TIAM1: variants seen among roughly 807,000 people sequenced by gnomAD.
The protein encoded by TIAM1 is rho guanine nucleotide exchange factor TIAM1.
Under a neutral mutation model 163.5 loss-of-function variants are expected in TIAM1, and 65 were observed. The observed-to-expected ratio is 0.40, with a 90% CI of 0.33 to 0.49. TIAM1 has a LOEUF of 0.49. Among genes scored for constraint, TIAM1 ranks in the 20% least tolerant of loss-of-function variants. The probability of loss-of-function intolerance (pLI) is 0.77; values close to 1 mark genes in which losing one functional copy is unlikely to be tolerated. For missense variants in TIAM1, 1,789 were observed against 2,044.7 expected (o/e 0.87, Z 2.41); for synonymous variants, 833 against 810.1 (o/e 1.03, Z -0.48).
At chr21:31,378,199 G>C (rs1297414259) in intron 2 of TIAM1, among the ~76,000 whole-genome samples, 2 of 140,278 alleles carry the variant, frequency 1.4e-5, no homozygotes, top group Non-Finnish European at 3.1e-5. Flanking sequence ...TAAATAAGAA[G>C]AAACAAGATA....
chr21:31,283,507 ATTTC>A (rs541860283), intron 2 of TIAM1, among the ~76,000 whole-genome samples: 264 of 151,650 alleles, frequency 1.7e-3, no homozygotes, highest in African/African-American at 5.7e-3. Context: ...CTCTTTTCCC[ATTTC>A]TTTCTTTCTT....
intron 2 of TIAM1, among the ~76,000 whole-genome samples, chr21:31,428,674 G>A (rs569294974): frequency 1.3e-5 from 2 of 152,214 alleles, no homozygotes; most frequent in South Asian, 4.1e-4. Context: ...CTTGAGGCCA[G>A]GAGTTCGAGA....
At chr21:31,335,604 C>T (rs2075811679) in intron 2 of TIAM1, among the ~76,000 whole-genome samples, 1 of 151,730 alleles carries the variant, frequency 6.6e-6, no homozygotes, top group Admixed American at 6.6e-5. Context: ...ACTTGGGAGG[C>T]TGAGGTGGGA....
intron 1 of TIAM1, among the ~76,000 whole-genome samples, chr21:31,550,555 G>T (rs1350884971): frequency 6.6e-6 from 1 of 152,090 alleles, no homozygotes; most frequent in Admixed American, 6.5e-5. Flanking sequence ...TCCTAAAATC[G>T]ACTGTGGTGA....
chr21:31,162,431 A>T (rs2083972504), intron 16 of TIAM1, among the ~76,000 whole-genome samples: 1 of 152,182 alleles, frequency 6.6e-6, no homozygotes, highest in South Asian at 2.1e-4. Context: ...ACCAAAGGTT[A>T]TTTTAGCTAA....
intron 2 of TIAM1, among the ~76,000 whole-genome samples, chr21:31,306,098 AC>A (rs2074700074): frequency 6.8e-6 from 1 of 146,826 alleles, no homozygotes; most frequent in South Asian, 2.3e-4. Context: ...TGGCCTGGCA[AC>A]CCACCAAGAC....
At chr21:31,205,630 A>G (rs992845752) in intron 11 of TIAM1, among the ~76,000 whole-genome samples, 1 of 152,214 alleles carries the variant, frequency 6.6e-6, no homozygotes, top group Non-Finnish European at 1.5e-5. Context: ...TGTGTAATGC[A>G]TTGCAGAGAA....
At chr21:31,378,449 T>C (rs2076726066) in intron 2 of TIAM1, among the ~76,000 whole-genome samples, 1 of 152,228 alleles carries the variant, frequency 6.6e-6, no homozygotes, top group Non-Finnish European at 1.5e-5. Flanking sequence ...CCACATAAAG[T>C]ACCTTGCCAA....
intron 6 of TIAM1, among the ~76,000 whole-genome samples, chr21:31,231,251 G>T (rs190137807): frequency 7.9e-5 from 12 of 152,304 alleles, no homozygotes; most frequent in Non-Finnish European, 1.3e-4. Flanking sequence ...AAGCCGCTGA[G>T]ATTTAAGTGC....
intron 2 of TIAM1, among the ~76,000 whole-genome samples, chr21:31,463,601 T>A: frequency 6.6e-6 from 1 of 152,078 alleles, no homozygotes; most frequent in East Asian, 1.9e-4. Flanking sequence ...ACGGATCACC[T>A]GAGGTAAGGA....
At chr21:31,280,066 C>T (rs1004968397) in intron 2 of TIAM1, among the ~76,000 whole-genome samples, 1 of 152,120 alleles carries the variant, frequency 6.6e-6, no homozygotes. Flanking sequence ...TGATGAAATC[C>T]AGCAGTACCA....
chr21:31,463,595 A>G (rs2045413119), intron 2 of TIAM1, among the ~76,000 whole-genome samples: 1 of 152,136 alleles, frequency 6.6e-6, no homozygotes, highest in South Asian at 2.1e-4. Context: ...AGGCAGACGG[A>G]TCACCTGAGG....
At chr21:31,364,025 C>G (rs1289732191) in intron 2 of TIAM1, among the ~76,000 whole-genome samples, 12 of 152,204 alleles carry the variant, frequency 7.9e-5, no homozygotes. Context: ...GACATCTCTA[C>G]CCAACACACA....
intron 6 of TIAM1, among the ~76,000 whole-genome samples, chr21:31,229,952 C>T (rs989364182): frequency 6.6e-6 from 1 of 152,204 alleles, no homozygotes; most frequent in Non-Finnish European, 1.5e-5. Flanking sequence ...CGCGCCCGGC[C>T]ATCTTCACCC....
At chr21:31,529,315 C>T (rs1179161053) in intron 1 of TIAM1, among the ~76,000 whole-genome samples, 1 of 152,078 alleles carries the variant, frequency 6.6e-6, no homozygotes, top group African/African-American at 2.4e-5. Flanking sequence ...GCCCTCCATC[C>T]TATTAGGTTG....
intron 2 of TIAM1, among the ~76,000 whole-genome samples, chr21:31,351,185 G>T (rs1474683729): frequency 6.6e-6 from 1 of 152,136 alleles, no homozygotes; most frequent in East Asian, 1.9e-4. Context: ...CACATTTAGG[G>T]TCATAGACCT....
chr21:31,348,661 C>T (rs2076187137), upstream of TIAM1, among the ~76,000 whole-genome samples: 1 of 152,086 alleles, frequency 6.6e-6, no homozygotes, highest in African/African-American at 2.4e-5. Flanking sequence ...TGGATCCATC[C>T]CACACACTCC....
intron 8 of TIAM1, among the ~76,000 whole-genome samples, chr21:31,222,699 ATATATATATTTTTTTTTTTTT>A (rs1334769860): frequency 4.6e-3 from 184 of 39,764 alleles, no homozygotes; most frequent in African/African-American, 0.025. Flanking sequence ...ATATATATAT[ATATATATATTTTTTTTTTTTT>A]TTTTTTTTTT....
intron 2 of TIAM1, among the ~76,000 whole-genome samples, chr21:31,448,552 G>A (rs1402815044): frequency 2.0e-5 from 3 of 150,180 alleles, no homozygotes; most frequent in Non-Finnish European, 4.4e-5. Context: ...ATTGCAGTGA[G>A]CCAAGATTGT....
Sources: allele counts gnomAD v4.1 joint callset (sites outside exome capture counted in the v4.1 genomes callset), GRCh38; gene constraint gnomAD v4.1.1; transcripts MANE v1.5; gene names NCBI Gene and HGNC (gene_info 2026-07-23, HGNC 2026-07-21).